Variants in C8orf34 observed in about 807,000 individuals in gnomAD.
C8orf34 encodes the protein uncharacterized protein C8orf34.
C8orf34 carries 65 observed loss-of-function variants against 68.3 expected under a neutral mutation model. That is an observed-to-expected ratio of 0.95 (90% CI 0.78 to 1.17). The LOEUF (loss-of-function observed/expected upper bound fraction) is 1.17, where lower values mean the gene tolerates loss of function less well. Ranked by LOEUF, C8orf34 falls within the 50% of genes most tolerant of loss-of-function variation. The pLI is 0.00. For missense variants in C8orf34, 664 were observed against 655.4 expected (o/e 1.01, Z -0.14); for synonymous variants, 244 against 241.2 (o/e 1.01, Z -0.11).
intron 7 of C8orf34, among the ~76,000 whole-genome samples, chr8:68,601,970 G>A (rs939390460): frequency 1.3e-5 from 2 of 152,168 alleles, no homozygotes; most frequent in African/African-American, 2.4e-5. Flanking sequence ...TCTCTCACAC[G>A]GCCTCACGGA....
intron 7 of C8orf34, among the ~76,000 whole-genome samples, chr8:68,620,729 G>A (rs1586464343): frequency 6.8e-6 from 1 of 147,732 alleles, no homozygotes; most frequent in South Asian, 2.1e-4. Flanking sequence ...TAAGCCAGAG[G>A]AAAAAGAAGA....
chr8:68,346,943 T>C (rs927405940), intron 1 of C8orf34, among the ~76,000 whole-genome samples: 30 of 152,072 alleles, frequency 2.0e-4, no homozygotes, highest in Non-Finnish European at 4.3e-4. Context: ...CATAAGCTTT[T>C]TACATTTTAT....
chr8:68,602,281 T>C (rs1051950646), intron 7 of C8orf34, among the ~76,000 whole-genome samples: 1 of 152,080 alleles, frequency 6.6e-6, no homozygotes, highest in Admixed American at 6.6e-5. Context: ...GCTGACACCA[T>C]TGTTGGGGAG....
chr8:68,476,635 G>C (rs1812629925), intron 4 of C8orf34, among the ~76,000 whole-genome samples: 1 of 152,142 alleles, frequency 6.6e-6, no homozygotes, highest in South Asian at 2.1e-4. Context: ...TACAGGGTCT[G>C]TATTACAAAG....
At chr8:68,447,364 C>T (rs1369272702) in intron 3 of C8orf34, 1 of 152,188 alleles carries the variant, frequency 6.6e-6, no homozygotes, top group Non-Finnish European at 1.5e-5. Flanking sequence ...AATATCCAAG[C>T]TATACCACCT....
chr8:68,581,997 A>T (rs1817079675), intron 7 of C8orf34, among the ~76,000 whole-genome samples: 2 of 151,936 alleles, frequency 1.3e-5, no homozygotes. Flanking sequence ...GTAAAAACAA[A>T]ATTGTTTTCC....
chr8:68,396,651 A>G (rs1181408622), intron 1 of C8orf34, among the ~76,000 whole-genome samples: 1 of 132,232 alleles, frequency 7.6e-6, no homozygotes, highest in East Asian at 2.4e-4. Context: ...GAAGGGCTTC[A>G]TGCTGTCCTT....
At chr8:68,386,159 G>A (rs1368424244) in intron 1 of C8orf34, among the ~76,000 whole-genome samples, 1 of 151,990 alleles carries the variant, frequency 6.6e-6, no homozygotes, top group East Asian at 1.9e-4. Context: ...CTCACACCTC[G>A]GCCTCCTAAA....
chr8:68,714,480 A>G (rs1450806859), intron 9 of C8orf34, among the ~76,000 whole-genome samples: 1 of 152,194 alleles, frequency 6.6e-6, no homozygotes, highest in African/African-American at 2.4e-5. Flanking sequence ...CTGTACACCA[A>G]CAGCGACCAA....
chr8:68,621,177 C>T (rs1448454061), intron 7 of C8orf34, among the ~76,000 whole-genome samples: 2 of 152,126 alleles, frequency 1.3e-5, no homozygotes, highest in African/African-American at 4.8e-5. Context: ...GGCTGGAGTC[C>T]ATCCAGAAAT....
chr8:68,665,310 G>T lies in C8orf34; in HGVS notation c.1241+24799G>T, dbSNP rs556124465. Among the ~76,000 whole-genome samples, 6 of 152,336 alleles carry T rather than the reference G, an allele frequency of 3.9e-5. No homozygotes were observed. The South Asian group carries it at 1.0e-3, about 26-fold the overall frequency. On this transcript the variant is annotated intron_variant, in intron 8 of 13. Transcript: ENST00000518698. ...AGAATTATGTGAATATTTTAGAGAAGTAGCTATTGTGTATGTGTATGTCTG... is the reference window on the plus strand; with the variant it reads ...AGAATTATGTGAATATTTTAGAGAATTAGCTATTGTGTATGTGTATGTCTG...
In C8orf34 at chr8:68,448,554, T is replaced by C. The variant is rs544092172; in HGVS notation, c.607+2094T>C. 3.3e-5 allele frequency among the ~76,000 whole-genome samples: 5 copies of C among 152,130 alleles called. No individual in the cohort carries two copies. In the South Asian group the frequency reaches 1.0e-3, roughly 32 times the overall value. ...TAGCACAAAATGCTCAAATTAAAAA[T>C]TAGTAGACACATTAGAATAGGATGT... On this transcript the variant is annotated intron_variant, in intron 3 of 13. Transcript: ENST00000518698.
At position 68,350,992 on chromosome 8, in the gene C8orf34, T is replaced by G. The variant is rs1356033681; in HGVS notation, c.327+19653T>G. On this transcript the variant is annotated intron_variant, in intron 1 of 13. Coordinates refer to ENST00000518698, the MANE Select transcript of C8orf34 (RefSeq NM_052958.4). Reference sequence around the variant, plus strand: ...TAGCATTGATATGTGTGGATTTGATTCTGTCATTTTTCTGTTAGCTGGTTA... The same window carrying G: ...TAGCATTGATATGTGTGGATTTGATGCTGTCATTTTTCTGTTAGCTGGTTA... Among the ~76,000 whole-genome samples, 4 of 151,924 alleles carry G rather than the reference T, an allele frequency of 2.6e-5. No individual in the cohort carries two copies. The East Asian group carries it at 7.7e-4, about 29-fold the overall frequency.
intron 1 of C8orf34, among the ~76,000 whole-genome samples, chr8:68,408,295 T>G (rs560000809): frequency 6.6e-6 from 1 of 151,836 alleles, no homozygotes; most frequent in South Asian, 2.1e-4. Flanking sequence ...AGCTATATTA[T>G]GATGGGTTGT....
intron 3 of C8orf34, among the ~76,000 whole-genome samples, chr8:68,450,215 C>A (rs1308804559): frequency 6.6e-6 from 1 of 152,132 alleles, no homozygotes; most frequent in African/African-American, 2.4e-5. Flanking sequence ...TCAGTCACAT[C>A]TTCAGATGCC....
intron 3 of C8orf34, among the ~76,000 whole-genome samples, chr8:68,454,921 T>A (rs1811486607): frequency 6.6e-6 from 1 of 152,084 alleles, no homozygotes; most frequent in African/African-American, 2.4e-5. Flanking sequence ...TTCCACTGCA[T>A]ACCTTAAGGT....
intron 10 of C8orf34, among the ~76,000 whole-genome samples, chr8:68,754,489 T>C (rs534739609): frequency 3.3e-5 from 5 of 152,266 alleles, no homozygotes; most frequent in African/African-American, 1.2e-4. Flanking sequence ...CAGGTGAAGG[T>C]TGGAAGCTTG....
intron 13 of C8orf34, among the ~76,000 whole-genome samples, chr8:68,816,486 A>C (rs1179450547): frequency 6.6e-6 from 1 of 152,140 alleles, no homozygotes; most frequent in Non-Finnish European, 1.5e-5. Flanking sequence ...GATTGTCCTT[A>C]CCACTTATAG....
At chr8:68,526,876 C>T (rs72664994) in intron 6 of C8orf34, among the ~76,000 whole-genome samples, 9 of 152,250 alleles carry the variant, frequency 5.9e-5, no homozygotes, top group East Asian at 1.9e-4. Flanking sequence ...CTCAGGCCCA[C>T]GAGTGAGACA....
Sources: allele counts gnomAD v4.1 joint callset (sites outside exome capture counted in the v4.1 genomes callset), GRCh38; gene constraint gnomAD v4.1.1; transcripts MANE v1.5; gene names NCBI Gene and HGNC (gene_info 2026-07-23, HGNC 2026-07-21).